CCNC: variants seen among roughly 807,000 people sequenced by gnomAD.
CCNC encodes the protein cyclin C.
In CCNC, 19 loss-of-function variants were observed where a neutral mutation model predicts 50.0. The ratio of observed to expected loss-of-function variants is 0.38; its 90% CI spans 0.27 to 0.56. The LOEUF is 0.56. Ranked by LOEUF, CCNC falls within the 20% of genes least tolerant of loss-of-function variation. CCNC has a pLI of 0.72. For synonymous variants in CCNC, 93 were observed against 103.7 expected (o/e 0.90, Z 0.63); for missense variants, 200 against 327.1 (o/e 0.61, Z 3.00).
At chr6:99,544,168 A>G in intron 11 of CCNC, 1 of 1,506,506 alleles carries the variant, frequency 6.6e-7, no homozygotes, top group Non-Finnish European at 8.8e-7. Context: ...AATAACTAAA[A>G]CTGAAAATAC....
chr6:99,542,794 A>G lies in CCNC; in HGVS notation c.*761T>C, dbSNP rs940096013. On this transcript the variant is annotated 3_prime_UTR_variant, in exon 12 of 12. Transcript: ENST00000520429. The stretch of plus-strand genomic sequence containing the variant: ...AAAAATCAACATTAAAATTTTACCA[A>G]ATTCCAACATTATGGTTTTTGAATC... 2.0e-5 allele frequency: 3 copies of G among 152,522 alleles called. No homozygotes were observed. Among genetic ancestry groups the G allele is most frequent in the Admixed American group, 2.0e-4 (3 of 15,272 alleles). The allele number at this position is 152,522 out of a possible 1,614,324, so 9.4% of individuals were successfully genotyped here.
At chr6:99,563,649 G>A (rs778073738) in intron 1 of CCNC, among the ~76,000 whole-genome samples, 2 of 152,038 alleles carry the variant, frequency 1.3e-5, no homozygotes, top group African/African-American at 2.4e-5. Flanking sequence ...AATACAGGTC[G>A]TCATTTTTCA....
chr6:99,544,762 A>T (rs1372320565), intron 11 of CCNC, among the ~76,000 whole-genome samples: 1 of 151,680 alleles, frequency 6.6e-6, no homozygotes, highest in Non-Finnish European at 1.5e-5. Flanking sequence ...AAAAAAAAAA[A>T]AGATGGCACA....
intron 8 of CCNC, 153 bp from the exon 9 acceptor site, chr6:99,549,728 A>C (rs1243770363): frequency 5.8e-6 from 3 of 520,928 alleles, no homozygotes; most frequent in Non-Finnish European, 1.0e-5. Flanking sequence ...ACATCAAGGC[A>C]AAAGGATGGA....
intron 5 of CCNC, among the ~76,000 whole-genome samples, chr6:99,553,519 A>G (rs1351531548): frequency 6.6e-6 from 1 of 151,876 alleles, no homozygotes; most frequent in South Asian, 2.1e-4. Context: ...CCTCCTCTCT[A>G]TTGTTTGTCT....
At chr6:99,544,014 CA>C (rs58452257) in intron 11 of CCNC, 30,834 of 1,003,046 alleles carry the variant, frequency 0.031, 10 homozygotes, top group Middle Eastern at 0.038. Context: ...AAGTGTTCTT[CA>C]AAAAAAAAAA....
At chr6:99,556,922 A>G (rs1802538561) in intron 5 of CCNC, among the ~76,000 whole-genome samples, 3 of 152,238 alleles carry the variant, frequency 2.0e-5, no homozygotes, top group Non-Finnish European at 4.4e-5. Context: ...CTCCATCTCA[A>G]ATAACTAACT....
At chr6:99,562,239 C>T (rs895637315) in intron 2 of CCNC, 2 of 152,344 alleles carry the variant, frequency 1.3e-5, no homozygotes, top group African/African-American at 4.8e-5. Flanking sequence ...TGGCCAGGCT[C>T]ATCTCAAATT....
intron 4 of CCNC, among the ~76,000 whole-genome samples, chr6:99,560,414 T>C (rs554637990): frequency 6.6e-6 from 1 of 152,304 alleles, no homozygotes; most frequent in African/African-American, 2.4e-5. Flanking sequence ...TAGGTAACAG[T>C]TGGGAAAGAT....
At chr6:99,567,479 C>T (rs1271155682) in intron 1 of CCNC, among the ~76,000 whole-genome samples, 2 of 152,082 alleles carry the variant, frequency 1.3e-5, no homozygotes, top group South Asian at 2.1e-4. Flanking sequence ...ATGTCATCTC[C>T]ACAGAATCAC....
chr6:99,550,107 A>G (rs1489363928), intron 8 of CCNC, 111 bp downstream of exon 8: 2 of 707,854 alleles, frequency 2.8e-6, no homozygotes, highest in Non-Finnish European at 4.6e-6. Context: ...TCAACATAAA[A>G]TATCTTGGGG....
chr6:99,555,125 A>G (rs1177562763), intron 5 of CCNC, among the ~76,000 whole-genome samples: 2 of 152,192 alleles, frequency 1.3e-5, no homozygotes, highest in East Asian at 3.9e-4. Context: ...TTGTACACCC[A>G]TGGGTAATAA....
intron 5 of CCNC, among the ~76,000 whole-genome samples, chr6:99,553,474 T>C (rs533789980): frequency 5.9e-5 from 9 of 152,236 alleles, no homozygotes; most frequent in Non-Finnish European, 1.3e-4. Flanking sequence ...TTCTGTCTTT[T>C]AATCCTTTTC....
At chr6:99,551,783 A>G (rs561834082) in intron 6 of CCNC, 57 bp downstream of exon 6, 697 of 1,081,966 alleles carry the variant, frequency 6.4e-4, no homozygotes, top group Non-Finnish European at 8.3e-4. Context: ...CTAATATAAA[A>G]TAGAGCTAGT....
rs374888747 is a variant in CCNC at position 99,545,174 on chromosome 6, A to C, written c.735T>G (p.Asp245Glu). The stretch of plus-strand genomic sequence containing the variant: ...GAATGGTTGCCATCTCTTTTCTCTC[A>C]TCGAAATTCTTCCACTGCTCATATA... ...LKLYEQWKNF[D>E]ERKEMATILS... Residue 245 changes from aspartate to glutamate, a missense_variant, in exon 11 of 12, where the codon GAT becomes GAG. Physicochemically the swap from Asp to Glu is conservative, Grantham distance 45. Transcript: ENST00000520429. 3 of 1,611,152 alleles carry C rather than the reference A, an allele frequency of 1.9e-6. No homozygotes were observed. Among genetic ancestry groups the C allele is most frequent in the African/African-American group, 2.7e-5 (2 of 74,958 alleles).
At chr6:99,550,520 T>G (rs1802248544) in intron 7 of CCNC, 1 of 452,608 alleles carries the variant, frequency 2.2e-6, no homozygotes, top group Non-Finnish European at 3.9e-6. Context: ...GAATATACCT[T>G]GATAAATCGG....
At chr6:99,558,259 T>G (rs1802623733) in intron 5 of CCNC, 2 of 481,388 alleles carry the variant, frequency 4.2e-6, no homozygotes, top group East Asian at 7.0e-5. Flanking sequence ...AGTTGATGTT[T>G]TTGGATTGAT....
chr6:99,546,962 G>T (rs529768884), intron 9 of CCNC, among the ~76,000 whole-genome samples: 58 of 152,278 alleles, frequency 3.8e-4, no homozygotes, highest in Non-Finnish European at 7.6e-4. Context: ...ACATGATCAA[G>T]TTATGTGAAA....
intron 11 of CCNC, chr6:99,544,397 G>C (rs1801991505): frequency 1.3e-6 from 1 of 762,464 alleles, no homozygotes; most frequent in East Asian, 2.9e-5. Context: ...AATCTATCTT[G>C]TTATATAACA....
Sources: allele counts gnomAD v4.1 joint callset (sites outside exome capture counted in the v4.1 genomes callset), GRCh38; gene constraint gnomAD v4.1.1; transcripts MANE v1.5; gene names NCBI Gene and HGNC (gene_info 2026-07-23, HGNC 2026-07-21).